NAV2: variants seen among roughly 807,000 people sequenced by gnomAD.
The protein encoded by NAV2 is neuron navigator 2.
A neutral mutation model predicts 223.2 loss-of-function variants in NAV2; 54 were observed. That is an observed-to-expected ratio of 0.24 (90% CI 0.19 to 0.30). The LOEUF is 0.30. NAV2 is among the 10% of genes least tolerant of loss of function. NAV2 has a pLI of 1.00. For missense variants in NAV2, 2,806 were observed against 3,147.5 expected, an observed-to-expected ratio of 0.89 and a Z score of 2.60; for synonymous variants, 1,279 against 1,239.3, an observed-to-expected ratio of 1.03 and a Z score of -0.67.
At chr11:19,446,639 C>A (rs1005883010) in intron 1 of NAV2, among the ~76,000 whole-genome samples, 1 of 152,138 alleles carries the variant, frequency 6.6e-6, no homozygotes, top group African/African-American at 2.4e-5. Flanking sequence ...ATGAGGACTG[C>A]ATCTCAGACG....
intron 20 of NAV2, among the ~76,000 whole-genome samples, chr11:20,063,036 C>T (rs1207573818): frequency 6.6e-6 from 1 of 152,192 alleles, no homozygotes; most frequent in Non-Finnish European, 1.5e-5. Context: ...ATAGCAGTTC[C>T]TACCTTATAG....
chr11:19,425,265 T>C (rs1278322744), intron 1 of NAV2, among the ~76,000 whole-genome samples: 1 of 152,194 alleles, frequency 6.6e-6, no homozygotes, highest in Non-Finnish European at 1.5e-5. Context: ...AGGAAAGAAA[T>C]GTTATTCTTG....
intron 7 of NAV2, among the ~76,000 whole-genome samples, chr11:19,936,772 G>C (rs185436928): frequency 1.3e-5 from 2 of 152,288 alleles, no homozygotes; most frequent in African/African-American, 4.8e-5. Flanking sequence ...ACACCTCCAT[G>C]AGCTAGCAGC....
At chr11:19,646,512 G>A (rs2047820288) in intron 1 of NAV2, among the ~76,000 whole-genome samples, 1 of 152,140 alleles carries the variant, frequency 6.6e-6, no homozygotes, top group African/African-American at 2.4e-5. Context: ...TGAGCTGAGG[G>A]CGTGTGGTGA....
chr11:19,386,597 G>A (rs1373780573), intron 1 of NAV2, among the ~76,000 whole-genome samples: 12 of 152,188 alleles, frequency 7.9e-5, no homozygotes, highest in Non-Finnish European at 1.5e-5. Flanking sequence ...ACAGCTTTTA[G>A]TGTAACTTCT....
At chr11:20,081,359 A>G (rs2060080451) in intron 25 of NAV2, among the ~76,000 whole-genome samples, 1 of 152,214 alleles carries the variant, frequency 6.6e-6, no homozygotes, top group Non-Finnish European at 1.5e-5. Flanking sequence ...TTTCAAAGTG[A>G]CGAGAGAGAT....
At chr11:19,832,138 CTTTGCTTG>C (rs2059980129) in intron 1 of NAV2, among the ~76,000 whole-genome samples, 1 of 152,166 alleles carries the variant, frequency 6.6e-6, no homozygotes, top group Non-Finnish European at 1.5e-5. Context: ...GTGGGGGAGA[CTTTGCTTG>C]CATCTAGAGT....
At position 19,798,906 on chromosome 11, in the gene NAV2, T is replaced by C. The variant is rs57187430; in HGVS notation, c.268-33578T>C. On this transcript the variant is annotated intron_variant, in intron 1 of 37. Transcript: ENST00000349880. ...TGGAAACAAAATCCCTAAATTTACA[T>C]ATCTGAAATATCAGCACTACCCCAG... 8.6e-3 allele frequency among the ~76,000 whole-genome samples: 1,312 copies of C among 152,310 alleles called. 5 individuals are homozygous for C. The highest frequency in any genetic ancestry group is 0.051 in the Middle Eastern group (15 of 294).
At chr11:19,412,851 A>C (rs1850205284) in intron 1 of NAV2, among the ~76,000 whole-genome samples, 1 of 152,244 alleles carries the variant, frequency 6.6e-6, no homozygotes, top group Non-Finnish European at 1.5e-5. Flanking sequence ...TTAGAAGGCA[A>C]ACTAACAAAC....
intron 1 of NAV2, among the ~76,000 whole-genome samples, chr11:19,612,569 A>G (rs1433289682): frequency 6.6e-6 from 1 of 152,176 alleles, no homozygotes; most frequent in Non-Finnish European, 1.5e-5. Context: ...AGTTCCACGA[A>G]TCTCTAGGGC....
chr11:19,730,055 T>C (rs2051615424), intron 1 of NAV2, among the ~76,000 whole-genome samples: 1 of 152,190 alleles, frequency 6.6e-6, no homozygotes, highest in East Asian at 1.9e-4. Flanking sequence ...ACTCACAGCT[T>C]TACACAGCCA....
intron 1 of NAV2, among the ~76,000 whole-genome samples, chr11:19,765,434 C>CCTTCTT (rs1342983571): frequency 5.3e-4 from 79 of 149,296 alleles, no homozygotes; most frequent in Admixed American, 5.3e-3. Flanking sequence ...TCCTCCTCCT[C>CCTTCTT]CTTCTTCTTC....
intron 1 of NAV2, among the ~76,000 whole-genome samples, chr11:19,462,075 C>G (rs1206382981): frequency 1.3e-5 from 2 of 152,186 alleles, no homozygotes; most frequent in African/African-American, 4.8e-5. Context: ...TCCTATAGTG[C>G]TGGGATCATA....
intron 1 of NAV2, among the ~76,000 whole-genome samples, chr11:19,682,815 C>T (rs1378795743): frequency 6.6e-6 from 1 of 152,158 alleles, no homozygotes; most frequent in African/African-American, 2.4e-5. Context: ...GGATCTGCCC[C>T]CATGACCAAA....
At position 19,441,448 on chromosome 11, in the gene NAV2, G is replaced by A. The variant is rs145760984; in HGVS notation, c.75+90421G>A. On this transcript the variant is annotated intron_variant, in intron 1 of 37. Coordinates refer to the NAV2 transcript ENST00000360655. ...CACTGGGACACACACACACACACACGCACACACACACACACACACACACAC... is the reference window on the plus strand; with the variant it reads ...CACTGGGACACACACACACACACACACACACACACACACACACACACACAC... Among the ~76,000 whole-genome samples, 154 of 145,922 alleles carry A rather than the reference G, an allele frequency of 1.1e-3. 1 individual carries two copies. Among genetic ancestry groups the A allele is most frequent in the East Asian group, 6.0e-4 (3 of 4,998 alleles).
chr11:20,068,728 T>C (rs141504722), intron 22 of NAV2, among the ~76,000 whole-genome samples: 14 of 152,220 alleles, frequency 9.2e-5, no homozygotes, highest in African/African-American at 3.4e-4. Context: ...AAATTTTGAT[T>C]TTAAGGGTGG....
chr11:19,384,563 T>A (rs1189555782), intron 1 of NAV2: 1 of 152,234 alleles, frequency 6.6e-6, no homozygotes, highest in South Asian at 2.1e-4. Flanking sequence ...ATGGGTGTTA[T>A]TTGCATGGAC....
chr11:19,590,112 G>A (rs1473515603), intron 1 of NAV2, among the ~76,000 whole-genome samples: 4 of 152,144 alleles, frequency 2.6e-5, no homozygotes, highest in African/African-American at 9.7e-5. Flanking sequence ...CTGTGCCGAC[G>A]TTTTCTCCTC....
chr11:19,384,342 T>C (rs114867807), intron 1 of NAV2, among the ~76,000 whole-genome samples: 2,736 of 152,352 alleles, frequency 0.018, 82 homozygotes, highest in African/African-American at 0.062. Flanking sequence ...TAAAATGAGT[T>C]ATAAAAAGTT....
Sources: allele counts gnomAD v4.1 joint callset (sites outside exome capture counted in the v4.1 genomes callset), GRCh38; gene constraint gnomAD v4.1.1; transcripts MANE v1.5; gene names NCBI Gene and HGNC (gene_info 2026-07-23, HGNC 2026-07-21).